The following CACNA1B variants were observed in gnomAD, a reference collection of about 807,000 sequenced individuals.
The protein encoded by CACNA1B is calcium voltage-gated channel subunit alpha1 B.
A neutral mutation model predicts 247.2 loss-of-function variants in CACNA1B; 70 were observed. The observed-to-expected ratio is 0.28, with a 90% CI of 0.23 to 0.35. CACNA1B has a LOEUF of 0.35. CACNA1B is among the 10% of genes least tolerant of loss of function. The pLI, the probability that CACNA1B is intolerant of heterozygous loss-of-function variation, is 1.00. For synonymous variants in CACNA1B, 1,231 were observed against 1,294.4 expected, an observed-to-expected ratio of 0.95 and a Z score of 1.05; for missense variants, 2,367 against 3,197.4, an observed-to-expected ratio of 0.74 and a Z score of 6.26.
chr9:137,909,952 G>C (rs1957342376), intron 3 of CACNA1B, among the ~76,000 whole-genome samples: 1 of 151,996 alleles, frequency 6.6e-6, no homozygotes. Flanking sequence ...TGTATTTTTA[G>C]TAGAGACAGC....
chr9:138,063,733 C>G (rs1039832240), intron 31 of CACNA1B, among the ~76,000 whole-genome samples: 2 of 152,210 alleles, frequency 1.3e-5, no homozygotes, highest in Admixed American at 6.5e-5. Context: ...CCTGGGTTAT[C>G]TGGGGAGTAG....
At chr9:138,015,602 G>A (rs763364282) in intron 18 of CACNA1B, among the ~76,000 whole-genome samples, 4 of 152,210 alleles carry the variant, frequency 2.6e-5, no homozygotes, top group South Asian at 2.1e-4. Context: ...CGTGGCCTGC[G>A]GAGCGGGGCC....
intron 40 of CACNA1B, 114 bp downstream of exon 40, chr9:138,112,619 G>A: frequency 1.4e-6 from 1 of 707,868 alleles, no homozygotes; most frequent in South Asian, 1.6e-5. Context: ...CCTTGGAGAG[G>A]TGGGCTCACC....
intron 23 of CACNA1B, among the ~76,000 whole-genome samples, chr9:138,048,861 G>A (rs547743770): frequency 3.9e-5 from 6 of 152,262 alleles, no homozygotes; most frequent in African/African-American, 1.4e-4. Flanking sequence ...GGGATTACAG[G>A]TGTGCAACAC....
Position 137,990,136 on chromosome 9 carries a change from G to A in CACNA1B, c.1974+3282G>A, listed in dbSNP as rs1461817812. 6.6e-6 allele frequency among the ~76,000 whole-genome samples: 1 copy of A among 152,184 alleles called. No individual in the cohort carries two copies. Among genetic ancestry groups the A allele is most frequent in the Admixed American group, 6.5e-5 (1 of 15,284 alleles). ...GGTGGGCACGGTAGGAGTGAGACCA[G>A]CCTTTTGGACTGCGGGCTGCGTGGG... On this transcript the variant is annotated intron_variant, in intron 15 of 46. Transcript: ENST00000371372. The surrounding 1 kb of genome is among the most constrained non-coding windows in gnomAD (Gnocchi z 4.5).
intron 42 of CACNA1B, among the ~76,000 whole-genome samples, chr9:138,116,130 C>T (rs905911924): frequency 5.3e-5 from 8 of 152,248 alleles, no homozygotes; most frequent in Non-Finnish European, 1.2e-4. Flanking sequence ...TGCTCCTCAT[C>T]GGCCCTCCGT....
chr9:138,110,991 AC>A (rs1961609787), intron 39 of CACNA1B, among the ~76,000 whole-genome samples: 1 of 150,282 alleles, frequency 6.7e-6, no homozygotes, highest in South Asian at 2.1e-4. Flanking sequence ...AAAAAAAAAA[AC>A]CACAACGAGA....
In CACNA1B at chr9:137,954,901, A is replaced by T. The variant is rs540958297; in HGVS notation, c.1071-797A>T. Among the ~76,000 whole-genome samples, 2 of 118,620 alleles carry T rather than the reference A, an allele frequency of 1.7e-5. No individual in the cohort carries two copies. Among genetic ancestry groups the T allele is most frequent in the East Asian group, 7.3e-4 (2 of 2,730 alleles). The allele number at this position is 118,620 out of a possible 152,430, so 77.8% of individuals were successfully genotyped here. ...GTGTGAGAGAGAGAGAGAGAGAGAG[A>T]GGGGGAGAGAGAGAGAGAGAGAATG... is the stretch of plus-strand genomic sequence containing the variant. On this transcript the variant is annotated intron_variant, in intron 7 of 46. Coordinates refer to ENST00000371372, the MANE Select transcript of CACNA1B (RefSeq NM_000718.4). The surrounding 1 kb of genome is among the most constrained non-coding windows in gnomAD (Gnocchi z 4.1).
chr9:138,120,970 C>A (rs1462432450), intron 46 of CACNA1B, 89 bp downstream of exon 46: 1 of 1,415,100 alleles, frequency 7.1e-7, no homozygotes, highest in Non-Finnish European at 9.5e-7. Context: ...CTCCCCAGGG[C>A]CTCGCTGCTG....
chr9:137,902,296 A>G (rs145416874), intron 3 of CACNA1B, among the ~76,000 whole-genome samples: 2 of 152,282 alleles, frequency 1.3e-5, no homozygotes, highest in Non-Finnish European at 2.9e-5. Flanking sequence ...TTCCTCCTGG[A>G]GAAGGAGAAA....
chr9:138,062,546 T>C (rs888783952), intron 31 of CACNA1B, among the ~76,000 whole-genome samples: 1 of 152,198 alleles, frequency 6.6e-6, no homozygotes, highest in Non-Finnish European at 1.5e-5. Context: ...TATGGGGAGA[T>C]GCTTTGGTGT....
intron 12 of CACNA1B, among the ~76,000 whole-genome samples, chr9:137,977,590 G>A (rs1464408740): frequency 6.6e-6 from 1 of 152,202 alleles, no homozygotes; most frequent in African/African-American, 2.4e-5. Flanking sequence ...GACCCCGCAG[G>A]GAGCACAGGA....
At position 138,057,093 on chromosome 9, in the gene CACNA1B, G is replaced by A. The variant is rs187293928; in HGVS notation, c.3969-639G>A. ...TGGGACTATAGGCGCCCGCCACCAC[G>A]CCCGGCTAATTATTTTTGTATTTTT... On this transcript the variant is annotated intron_variant, in intron 26 of 46. Coordinates refer to ENST00000371372, the MANE Select transcript of CACNA1B (RefSeq NM_000718.4). This position sits in a 1 kb window ranked among gnomAD's most constrained non-coding sequence, Gnocchi z 4.0. 9.2e-5 allele frequency among the ~76,000 whole-genome samples: 14 copies of A among 151,924 alleles called. No homozygotes were observed. The highest frequency in any genetic ancestry group is 1.9e-4 in the East Asian group (1 of 5,168).
chr9:137,929,453 A>G (rs185621532), intron 6 of CACNA1B, among the ~76,000 whole-genome samples: 32 of 151,010 alleles, frequency 2.1e-4, no homozygotes, highest in African/African-American at 7.3e-4. Context: ...TACTCGGGAG[A>G]CTGAGGTGGG....
chr9:138,041,638 C>G (rs968389586), intron 20 of CACNA1B, among the ~76,000 whole-genome samples: 2 of 152,128 alleles, frequency 1.3e-5, no homozygotes, highest in Admixed American at 6.5e-5. Flanking sequence ...TGTAGTAAAT[C>G]GATTTCAGAG....
chr9:137,953,610 CG>C (rs1211345377), intron 7 of CACNA1B, among the ~76,000 whole-genome samples: 1 of 152,120 alleles, frequency 6.6e-6, no homozygotes, highest in Non-Finnish European at 1.5e-5. Context: ...GGGTAGCTGG[CG>C]GAGGCTTGAG....
Position 138,017,103 on chromosome 9 carries a change from T to G in CACNA1B, c.2267+3868T>G, listed in dbSNP as rs756855512. ...TCTCTCAGAACTCTGTCTCTGGTTT[T>G]CTCACTTCTGTCTGTTCTGTTTTTT... On this transcript the variant is annotated intron_variant, in intron 18 of 46. Transcript: ENST00000371372. The G allele has an allele frequency of 4.8e-5, 25 of 518,152 alleles. 1 individual carries two copies. The highest frequency in any genetic ancestry group is 3.5e-4 in the South Asian group (25 of 71,350). The allele number at this position is 518,152 out of a possible 1,614,324, so 32.1% of individuals were successfully genotyped here. A position where few individuals can be genotyped will look rare whatever the true frequency, so the allele number is the denominator to read the frequency against.
At position 138,023,404 on chromosome 9, in the gene CACNA1B, G is replaced by GCCGCAC. The variant is rs1200621914; in HGVS notation, c.2663_2668dup (p.Pro888_His889dup). 2.6e-4 allele frequency: 343 copies of GCCGCAC among 1,337,708 alleles called. No homozygotes were observed. The African/African-American group carries it at 4.7e-3, about 18-fold the overall frequency. The allele number at this position is 1,337,708 out of a possible 1,614,324, so 82.9% of individuals were successfully genotyped here. ...CCGGTGCCCGGGAGGAGCGGCCGCG[G>GCCGCAC]CCGCACCGCAGCCACAGCAAGGAGG... On this transcript the variant is annotated inframe_insertion, in exon 19 of 47. Coordinates refer to ENST00000371372, the MANE Select transcript of CACNA1B (RefSeq NM_000718.4).
intron 20 of CACNA1B, 149 bp from the exon 21 acceptor site, chr9:138,043,625 T>G: frequency 1.3e-6 from 1 of 786,722 alleles, no homozygotes; most frequent in Non-Finnish European, 2.1e-6. Flanking sequence ...GTCATGTACG[T>G]GAAGCACTGT....
Sources: allele counts gnomAD v4.1 joint callset (sites outside exome capture counted in the v4.1 genomes callset), GRCh38; gene constraint gnomAD v4.1.1; non-coding constraint Gnocchi (gnomAD v3.1); transcripts MANE v1.5; gene names NCBI Gene and HGNC (gene_info 2026-07-23, HGNC 2026-07-21).